TRIM61: variants seen among roughly 807,000 people sequenced by gnomAD.
TRIM61 encodes tripartite motif containing 61.
In TRIM61, 1 loss-of-function variant was observed where a neutral mutation model predicts 14.2. The ratio of observed to expected loss-of-function variants is 0.07; its 90% CI spans 0.03 to 0.33. The LOEUF is 0.33. TRIM61 is among the 10% of genes least tolerant of loss of function. The pLI, the probability that TRIM61 is intolerant of heterozygous loss-of-function variation, is 0.99. For synonymous variants in TRIM61, 8 were observed against 71.6 expected (o/e 0.11, Z 4.49); for missense variants, 19 against 202.2 (o/e 0.09, Z 5.49).
Position 164,968,570 on chromosome 4 carries a change from C to T in TRIM61, c.525+908G>A, listed in dbSNP as rs111343523. ...AGTTATGTCTACTAGGTGAAAGAAA[C>T]TGAGTCTTCTAATAATTCATTCAGA... is the stretch of plus-strand genomic sequence containing the variant. On this transcript the variant is annotated intron_variant, in intron 3 of 4. Coordinates refer to ENST00000329314, the MANE Select transcript of TRIM61 (RefSeq NM_001012414.3). 8.0e-3 allele frequency: 7,928 copies of T among 985,672 alleles called. 456 individuals are homozygous for T. In the African/African-American group the frequency reaches 0.12, roughly 15 times the overall value. 61.1% of individuals were successfully genotyped at this position (985,672 alleles called of 1,614,324 possible).
intron 2 of TRIM61, among the ~76,000 whole-genome samples, chr4:164,973,802 A>T (rs891655914): frequency 2.0e-5 from 3 of 152,232 alleles, no homozygotes; most frequent in African/African-American, 7.2e-5. Flanking sequence ...ACATACTTCT[A>T]TTATAGCATA....
At chr4:164,957,114 C>T in intron 3 of TRIM61, 1 of 1,588,770 alleles carries the variant, frequency 6.3e-7, no homozygotes, top group Non-Finnish European at 8.6e-7. Context: ...GCTGGGCGAG[C>T]CAAACTGCGT....
At chr4:164,964,384 G>A (rs1397560242) in intron 3 of TRIM61, among the ~76,000 whole-genome samples, 2 of 150,252 alleles carry the variant, frequency 1.3e-5, no homozygotes, top group African/African-American at 4.9e-5. Context: ...GAGAAAAAAA[G>A]GAGATGGAGA....
At chr4:164,962,689 T>G (rs1385679067) in intron 3 of TRIM61, among the ~76,000 whole-genome samples, 1 of 109,372 alleles carries the variant, frequency 9.1e-6, no homozygotes, top group Non-Finnish European at 1.9e-5. Flanking sequence ...CTACAAGAAA[T>G]GTTAAAAAAA....
intron 3 of TRIM61, chr4:164,957,262 G>A: frequency 6.2e-7 from 1 of 1,614,202 alleles, no homozygotes; most frequent in Non-Finnish European, 8.5e-7. Context: ...CCTGGGAGAA[G>A]CGAATCGTTT....
intron 3 of TRIM61, chr4:164,969,165 G>T: frequency 8.4e-7 from 1 of 1,187,432 alleles, no homozygotes; most frequent in Non-Finnish European, 1.0e-6. Context: ...TATTGTGGAG[G>T]CAGATGGTAA....
intron 3 of TRIM61, among the ~76,000 whole-genome samples, chr4:164,961,887 CA>C (rs779702543): frequency 5.3e-5 from 8 of 152,160 alleles, no homozygotes; most frequent in Non-Finnish European, 4.4e-5. Context: ...CTGTGAACAT[CA>C]TAGAGTATGC....
chr4:164,960,563 A>C lies in TRIM61; in HGVS notation c.526-5467T>G, dbSNP rs1732110666. Among the ~76,000 whole-genome samples the C allele has an allele frequency of 4.6e-5, 7 of 151,980 alleles. No individual in the cohort carries two copies. The South Asian group carries it at 1.5e-3, about 32-fold the overall frequency. ...GAGTAAGACTCTGTCTCAAAAAAAA[A>C]AAAAGGAAAAAAAATTTCCTGTTAT... On this transcript the variant is annotated intron_variant, in intron 3 of 4. Transcript: ENST00000329314.
chr4:164,964,796 C>G (rs1233068513), intron 3 of TRIM61, among the ~76,000 whole-genome samples: 2 of 152,052 alleles, frequency 1.3e-5, no homozygotes, highest in African/African-American at 4.8e-5. Flanking sequence ...TTTACAAAAC[C>G]CTTATCACTT....
intron 3 of TRIM61, among the ~76,000 whole-genome samples, chr4:164,956,270 T>C (rs1480956951): frequency 2.4e-4 from 36 of 152,160 alleles, no homozygotes; most frequent in Non-Finnish European, 4.4e-5. Flanking sequence ...TTCACCATGT[T>C]GGCCTGGCTG....
intron 3 of TRIM61, chr4:164,968,411 C>A: frequency 2.0e-6 from 2 of 984,160 alleles, no homozygotes; most frequent in Non-Finnish European, 2.4e-6. Context: ...TGTCACTGAC[C>A]CCATAATTTA....
Position 164,954,580 on chromosome 4 carries a change from T to C in TRIM61, c.*205A>G, listed in dbSNP as rs1464899021. ...TCTTGTATTAATTAGCATATTTATA[T>C]GTACATATTATACAGAAATACATAT... On this transcript the variant is annotated 3_prime_UTR_variant, in exon 5 of 5. Coordinates refer to ENST00000329314, the MANE Select transcript of TRIM61 (RefSeq NM_001012414.3). 1 of 152,250 alleles carries C rather than the reference T, an allele frequency of 6.6e-6. No individual in the cohort carries two copies. The highest frequency in any genetic ancestry group is 2.4e-5 in the African/African-American group (1 of 41,460). The allele number at this position is 152,250 out of a possible 1,614,324, so 9.4% of individuals were successfully genotyped here. A position where few individuals can be genotyped will look rare whatever the true frequency, so the allele number is the denominator to read the frequency against.
Position 164,970,780 on chromosome 4 carries a change from A to C in TRIM61, c.-337-441T>G, listed in dbSNP as rs577490871. ...ACCCCTGATTGAATCTGAGATCTTG[A>C]AATCAAAACAAAACAAAACAAAAAA... On this transcript the variant is annotated intron_variant, in intron 2 of 4. Coordinates refer to ENST00000329314, the MANE Select transcript of TRIM61 (RefSeq NM_001012414.3). Among the ~76,000 whole-genome samples, 17 of 152,292 alleles carry C rather than the reference A, an allele frequency of 1.1e-4. No individual in the cohort carries two copies. The South Asian group carries it at 2.5e-3, about 22-fold the overall frequency.
At chr4:164,974,105 G>A (rs1047586851) in intron 2 of TRIM61, among the ~76,000 whole-genome samples, 3 of 152,268 alleles carry the variant, frequency 2.0e-5, no homozygotes, top group Non-Finnish European at 2.9e-5. Context: ...TGGAGGCAGA[G>A]GTTGCAGTGA....
At chr4:164,969,063 T>C (rs1412922822) in intron 3 of TRIM61, 18 of 1,066,630 alleles carry the variant, frequency 1.7e-5, no homozygotes, top group Non-Finnish European at 1.9e-5. Context: ...ACAGTTTTTC[T>C]ATCTTCTGAG....
Position 164,972,273 on chromosome 4 carries a change from G to A in TRIM61, c.-337-1934C>T, listed in dbSNP as rs145551008. ...ATCGCATTTCTTTGACCTGTAAAAT[G>A]GGAAGTATAACAACCTCTTTTTCTT... On this transcript the variant is annotated intron_variant, in intron 2 of 4. Transcript: ENST00000329314. Among the ~76,000 whole-genome samples the A allele has an allele frequency of 2.9e-3, 442 of 152,240 alleles. 3 individuals are homozygous for A. The highest frequency in any genetic ancestry group is 0.01 in the African/African-American group (418 of 41,546).
intron 3 of TRIM61, among the ~76,000 whole-genome samples, chr4:164,955,476 G>T (rs1731962901): frequency 6.6e-6 from 1 of 150,444 alleles, no homozygotes; most frequent in Non-Finnish European, 1.5e-5. Context: ...GGCCCAGGCA[G>T]GAAGATTGCT....
intron 2 of TRIM61, among the ~76,000 whole-genome samples, chr4:164,975,090 G>A (rs1197124309): frequency 2.6e-5 from 4 of 152,012 alleles, no homozygotes; most frequent in Admixed American, 6.6e-5. Context: ...AAAATTAGCC[G>A]GGCATGGTGG....
intron 2 of TRIM61, among the ~76,000 whole-genome samples, chr4:164,973,583 G>A (rs557088581): frequency 6.6e-6 from 1 of 152,230 alleles, no homozygotes; most frequent in African/African-American, 2.4e-5. Context: ...CTAACACTTA[G>A]CTAGCTACAT....
Sources: gnomAD v4.1 joint callset for allele counts (sites outside exome capture counted in the v4.1 genomes callset) on GRCh38, gnomAD v4.1.1 for gene constraint, MANE v1.5 for transcripts, NCBI Gene and HGNC (gene_info 2026-07-23, HGNC 2026-07-21) for gene names.